Variants in NUP160 observed in about 807,000 individuals in gnomAD.
NUP160 encodes the protein nucleoporin 160.
A neutral mutation model predicts 196.9 loss-of-function variants in NUP160; 94 were observed. The observed-to-expected ratio is 0.48, with a 90% CI of 0.40 to 0.57. NUP160 has a LOEUF of 0.57. NUP160 is among the 20% of genes least tolerant of loss of function. The pLI is 0.00. For missense variants in NUP160, 1,638 were observed against 1,748.3 expected (o/e 0.94, Z 1.13); for synonymous variants, 605 against 619.7 (o/e 0.98, Z 0.35).
intron 27 of NUP160, among the ~76,000 whole-genome samples, chr11:47,797,331 C>A (rs1408212202): frequency 6.6e-6 from 1 of 152,006 alleles, no homozygotes; most frequent in Non-Finnish European, 1.5e-5. Flanking sequence ...CCCGCCCCAC[C>A]CTGTTCAAGC....
intron 29 of NUP160, among the ~76,000 whole-genome samples, chr11:47,789,212 G>T (rs1306025845): frequency 1.3e-5 from 2 of 152,006 alleles, no homozygotes; most frequent in Admixed American, 1.3e-4. Flanking sequence ...TTGCTATGTT[G>T]CCCAGGCTGG....
exon 12 of NUP160, chr11:47,815,972 C>T: frequency 6.2e-7 from 1 of 1,613,632 alleles, no homozygotes; most frequent in South Asian, 1.1e-5. Context: ...AAAGTAACTT[C>T]TTTCTTCAGT....
intron 17 of NUP160, among the ~76,000 whole-genome samples, chr11:47,811,445 C>T (rs903541703): frequency 1.3e-5 from 2 of 150,594 alleles, no homozygotes; most frequent in African/African-American, 4.9e-5. Context: ...GATAAGGCCA[C>T]CACACTCCAG....
intron 17 of NUP160, among the ~76,000 whole-genome samples, chr11:47,811,721 T>A (rs961563122): frequency 6.6e-6 from 1 of 152,098 alleles, no homozygotes; most frequent in African/African-American, 2.4e-5. Context: ...GATGTGCAGG[T>A]TTGTTACGTA....
Position 47,847,975 on chromosome 11 carries a change from G to C in NUP160, c.203-16C>G, listed in dbSNP as rs936082263. On this transcript the variant is annotated splice_polypyrimidine_tract_variant and intron_variant, in intron 1 of 35. Coordinates refer to ENST00000378460, the Ensembl canonical transcript of NUP160. ...TTTGCAGTCCCTGCAAAATGAACGT[G>C]GTCAGCCTGCACACGCGTCTTCTGA... 3.1e-6 allele frequency: 5 copies of C among 1,597,342 alleles called. No individual in the cohort carries two copies. The highest frequency in any genetic ancestry group is 4.3e-6 in the Non-Finnish European group (5 of 1,165,032).
intron 14 of NUP160, 35 bp from the exon 15 acceptor site, chr11:47,813,082 A>C: frequency 7.0e-7 from 1 of 1,425,508 alleles, no homozygotes; most frequent in East Asian, 2.3e-5. Context: ...TTATGTCTTA[A>C]GCCAATGACA....
chr11:47,819,326 A>G, intron 10 of NUP160, 48 bp downstream of exon 10: 1 of 1,347,566 alleles, frequency 7.4e-7, no homozygotes. Context: ...AAAAAAAAAA[A>G]GATCAAAGTA....
chr11:47,840,057 T>C, exon 4 of NUP160: 2 of 1,607,346 alleles, frequency 1.2e-6, no homozygotes, highest in South Asian at 2.2e-5. Context: ...GACTGTCAAC[T>C]ACCAACTCCT....
intron 34 of NUP160, among the ~76,000 whole-genome samples, chr11:47,782,349 T>TAA (rs2097661884): frequency 8.6e-6 from 1 of 115,960 alleles, no homozygotes; most frequent in African/African-American, 3.2e-5. Context: ...TATATATATA[T>TAA]ATATATATGC....
At chr11:47,778,467 A>G (rs903481466) in exon 36 of NUP160, 3 of 152,558 alleles carry the variant, frequency 2.0e-5, no homozygotes, top group Non-Finnish European at 2.9e-5. Context: ...TGGATTTCCA[A>G]TTTTTTCTTA....
At chr11:47,783,984 G>A (rs184779295) in intron 33 of NUP160, among the ~76,000 whole-genome samples, 200 of 149,028 alleles carry the variant, frequency 1.3e-3, no homozygotes, top group African/African-American at 4.6e-3. Context: ...GTGAGTCACC[G>A]TGCCCGGCCT....
intron 1 of NUP160, 96 bp from the exon 2 acceptor site, chr11:47,848,055 C>A: frequency 7.9e-7 from 1 of 1,268,182 alleles, no homozygotes; most frequent in South Asian, 1.2e-5. Context: ...ACTGACAACC[C>A]ATACAAAGAA....
At chr11:47,829,929 G>A (rs1852041098) in intron 7 of NUP160, among the ~76,000 whole-genome samples, 1 of 152,154 alleles carries the variant, frequency 6.6e-6, no homozygotes, top group Non-Finnish European at 1.5e-5. Flanking sequence ...AGAGTAAACA[G>A]ACAACTTACA....
chr11:47,843,564 T>C (rs1177038474), intron 2 of NUP160, among the ~76,000 whole-genome samples: 1 of 152,196 alleles, frequency 6.6e-6, no homozygotes, highest in East Asian at 1.9e-4. Context: ...CTGGGGGCGA[T>C]TCTTCCTCAT....
chr11:47,808,969 T>TAC, intron 17 of NUP160, among the ~76,000 whole-genome samples: 1 of 151,764 alleles, frequency 6.6e-6, no homozygotes. Context: ...GGCATGGTGG[T>TAC]GGGCGCCTGT....
intron 5 of NUP160, 66 bp downstream of exon 5, chr11:47,837,479 A>T: frequency 8.3e-7 from 1 of 1,204,570 alleles, no homozygotes; most frequent in Middle Eastern, 1.9e-4. Context: ...GGAAACAATA[A>T]CTGCCGACCA....
At position 47,785,062 on chromosome 11, in the gene NUP160, C is replaced by T. The variant is rs1230522675; in HGVS notation, c.3850G>A (p.Ala1284Thr). Residue 1284 changes from alanine (A) to threonine (T), a missense_variant and splice_region_variant, in exon 33 of 36, where the codon GCT (alanine) becomes ACT (threonine). This residue lies in a region of NUP160 where 1,345 missense variants were observed against 1,470.2 expected (regional missense o/e 0.91). Transcript: ENST00000378460. ...AATAGTCGCCATGCTTCATCTGTAG[C>T]ACTTGAAAAAAACAAAAATGACTAA... 6.9e-7 allele frequency: 1 copy of T among 1,444,288 alleles called. No individual in the cohort carries two copies. The highest frequency in any genetic ancestry group is 1.8e-4 in the Middle Eastern group (1 of 5,486). 89.5% of individuals were successfully genotyped at this position (1,444,288 alleles called of 1,614,324 possible).
chr11:47,821,649 G>A (rs1851859818), intron 9 of NUP160, 75 bp downstream of exon 9: 9 of 1,090,358 alleles, frequency 8.3e-6, no homozygotes, highest in Admixed American at 5.4e-5. Context: ...CATGAGACAC[G>A]GCGCCCGGCC....
chr11:47,837,476 AT>A, intron 5 of NUP160, 68 bp downstream of exon 5: 2 of 1,185,108 alleles, frequency 1.7e-6, no homozygotes, highest in Non-Finnish European at 2.5e-6. Context: ...ACTGGAAACA[AT>A]AACTGCCGAC....
Sources: allele counts gnomAD v4.1 joint callset (sites outside exome capture counted in the v4.1 genomes callset), GRCh38; gene constraint gnomAD v4.1.1; regional missense constraint gnomAD v4.1.1; transcripts MANE v1.5; gene names NCBI Gene and HGNC (gene_info 2026-07-23, HGNC 2026-07-21).